CAST: variants seen among roughly 807,000 people sequenced by gnomAD.
CAST encodes MIR583 host.
Under a neutral mutation model 119.6 loss-of-function variants are expected in CAST, and 76 were observed. The observed-to-expected ratio is 0.64, with a 90% CI of 0.53 to 0.77. The LOEUF is 0.77. Among genes scored for constraint, CAST ranks in the 30% least tolerant of loss-of-function variants. CAST has a pLI of 0.00. For synonymous variants in CAST, 319 were observed against 331.6 expected, an observed-to-expected ratio of 0.96 and a Z score of 0.41; for missense variants, 953 against 946.5, an observed-to-expected ratio of 1.01 and a Z score of -0.09.
chr5:96,727,369 A>G, intron 5 of CAST, 120 bp from the exon 6 acceptor site: 2 of 545,166 alleles, frequency 3.7e-6, no homozygotes, highest in Non-Finnish European at 6.4e-6. Context: ...GTTTATAATT[A>G]CATTAAAAAT....
At chr5:96,245,493 C>T in the CAST span, among the ~76,000 whole-genome samples, 1 of 152,112 alleles carries the variant, frequency 6.6e-6, no homozygotes, top group African/African-American at 2.4e-5. Context: ...ACACTATATA[C>T]TCTCCCTGTT....
At chr5:96,491,521 A>AAAAAAAAAAAAAAG in the CAST span, among the ~76,000 whole-genome samples, 1 of 146,554 alleles carries the variant, frequency 6.8e-6, no homozygotes, top group Admixed American at 6.8e-5. Context: ...AAAAAAAAAA[A>AAAAAAAAAAAAAAG]AAAATTAAAA....
chr5:96,192,842 G>A, the CAST span, among the ~76,000 whole-genome samples: 1 of 152,202 alleles, frequency 6.6e-6, no homozygotes, highest in African/African-American at 2.4e-5. Context: ...GATAGGGGCT[G>A]CTTCTTCAGC....
At chr5:95,976,265 T>C in the CAST span, among the ~76,000 whole-genome samples, 1 of 151,916 alleles carries the variant, frequency 6.6e-6, no homozygotes, top group Admixed American at 6.6e-5. Context: ...CCTGCCTTTG[T>C]TGATACTTAG....
At chr5:95,970,678 T>C in the CAST span, among the ~76,000 whole-genome samples, 1 of 152,242 alleles carries the variant, frequency 6.6e-6, no homozygotes, top group Non-Finnish European at 1.5e-5. Context: ...CAAATGAACT[T>C]TAATGATGAC....
intron 1 of CAST, among the ~76,000 whole-genome samples, chr5:96,550,968 A>G (rs778206379): frequency 6.6e-6 from 1 of 152,244 alleles, no homozygotes; most frequent in African/African-American, 2.4e-5. Flanking sequence ...CACGGGGGGA[A>G]TGGAACCAAG....
the CAST span, among the ~76,000 whole-genome samples, chr5:96,370,520 T>G: frequency 6.6e-6 from 1 of 152,128 alleles, no homozygotes; most frequent in Admixed American, 6.5e-5. Flanking sequence ...GACTGGTTCT[T>G]TAATTTTCAC....
the CAST span, among the ~76,000 whole-genome samples, chr5:96,365,111 A>T: frequency 6.6e-6 from 1 of 152,202 alleles, no homozygotes; most frequent in Non-Finnish European, 1.5e-5. Context: ...CAGGTTGTTC[A>T]GTTTCCATGT....
chr5:96,441,992 G>A, the CAST span, among the ~76,000 whole-genome samples: 11 of 152,104 alleles, frequency 7.2e-5, no homozygotes, highest in African/African-American at 2.7e-4. Context: ...TTTTCACAAG[G>A]ATTTCCATCT....
At chr5:96,619,885 C>G (rs1296044069) in intron 1 of CAST, among the ~76,000 whole-genome samples, 1 of 152,180 alleles carries the variant, frequency 6.6e-6, no homozygotes, top group Non-Finnish European at 1.5e-5. Flanking sequence ...TGGTGGGTTA[C>G]CTGACTTGAA....
At chr5:96,447,163 G>A in the CAST span, among the ~76,000 whole-genome samples, 2 of 152,216 alleles carry the variant, frequency 1.3e-5, no homozygotes, top group Non-Finnish European at 2.9e-5. Context: ...GAGGAATTAA[G>A]CAAAATGAGC....
the CAST span, among the ~76,000 whole-genome samples, chr5:96,350,868 C>T: frequency 4.1e-4 from 62 of 152,246 alleles, 1 homozygote; most frequent in Admixed American, 1.3e-3. Flanking sequence ...ACAATCACAA[C>T]TGGAACTGAT....
At chr5:95,971,464 T>A in the CAST span, among the ~76,000 whole-genome samples, 9 of 152,198 alleles carry the variant, frequency 5.9e-5, no homozygotes, top group African/African-American at 1.9e-4. Context: ...CAGGTAACCT[T>A]TTTAAAATGT....
At chr5:96,343,601 A>G in the CAST span, among the ~76,000 whole-genome samples, 1 of 152,216 alleles carries the variant, frequency 6.6e-6, no homozygotes, top group Non-Finnish European at 1.5e-5. Context: ...TGAGAAACAC[A>G]CAAAGGATTG....
At chr5:96,272,974 G>A in the CAST span, among the ~76,000 whole-genome samples, 3 of 152,152 alleles carry the variant, frequency 2.0e-5, no homozygotes, top group African/African-American at 7.2e-5. Context: ...ATGTGAACAG[G>A]TTCAAGGAAA....
chr5:96,184,292 C>A, the CAST span, among the ~76,000 whole-genome samples: 7 of 152,204 alleles, frequency 4.6e-5, no homozygotes, highest in East Asian at 1.3e-3. Context: ...CTTCTTTATG[C>A]TCCAGTTCAC....
chr5:96,529,629 T>C (rs1050880398), upstream of CAST, among the ~76,000 whole-genome samples: 2 of 152,210 alleles, frequency 1.3e-5, no homozygotes, highest in African/African-American at 4.8e-5. Flanking sequence ...TCCACTCAGA[T>C]CTCATCTTTA....
chr5:96,588,525 C>T (rs530687339), intron 1 of CAST, among the ~76,000 whole-genome samples: 2 of 152,104 alleles, frequency 1.3e-5, no homozygotes, highest in African/African-American at 2.4e-5. Context: ...TTCATGCAAA[C>T]ATAAGTTTAC....
the CAST span, among the ~76,000 whole-genome samples, chr5:96,425,021 A>G: frequency 3.2e-5 from 2 of 63,484 alleles, no homozygotes; most frequent in Non-Finnish European, 7.0e-5. Flanking sequence ...AGAAAGAAAG[A>G]AAGAAAGAAA....
Sources: allele counts gnomAD v4.1 joint callset (sites outside exome capture counted in the v4.1 genomes callset), GRCh38; gene constraint gnomAD v4.1.1; transcripts MANE v1.5; gene names NCBI Gene and HGNC (gene_info 2026-07-23, HGNC 2026-07-21).